The following SPOCK3 variants were observed in gnomAD, a reference collection of about 807,000 sequenced individuals.
The protein encoded by SPOCK3 is SPARC (osteonectin), cwcv and kazal like domains proteoglycan 3, also known as testican-3.
Under a neutral mutation model 56.6 loss-of-function variants are expected in SPOCK3, and 30 were observed. That is an observed-to-expected ratio of 0.53 (90% CI 0.40 to 0.72). The LOEUF is 0.72. Among genes scored for constraint, SPOCK3 ranks in the 30% least tolerant of loss-of-function variants. The probability of loss-of-function intolerance (pLI) is 0.00; values close to 1 mark genes in which losing one functional copy is unlikely to be tolerated. For synonymous variants in SPOCK3, 196 were observed against 183.3 expected (o/e 1.07, Z -0.56); for missense variants, 527 against 530.0 (o/e 0.99, Z 0.06).
chr4:166,773,799 T>A (rs910378532), intron 7 of SPOCK3, among the ~76,000 whole-genome samples: 2 of 152,204 alleles, frequency 1.3e-5, no homozygotes, highest in African/African-American at 4.8e-5. Flanking sequence ...TATATAAGCA[T>A]AGGCACACAT....
intron 6 of SPOCK3, among the ~76,000 whole-genome samples, chr4:166,801,771 C>T (rs959704327): frequency 6.6e-6 from 1 of 151,962 alleles, no homozygotes; most frequent in Non-Finnish European, 1.5e-5. Flanking sequence ...AGGTATGTAG[C>T]AATTGAAACA....
intron 4 of SPOCK3, among the ~76,000 whole-genome samples, chr4:166,944,477 T>C (rs1473139012): frequency 6.6e-6 from 1 of 152,212 alleles, no homozygotes; most frequent in Non-Finnish European, 1.5e-5. Flanking sequence ...TTTTTGTATA[T>C]AGTTGACACT....
chr4:167,202,084 A>G (rs1341499069), intron 2 of SPOCK3, among the ~76,000 whole-genome samples: 1 of 151,970 alleles, frequency 6.6e-6, no homozygotes, highest in East Asian at 1.9e-4. Context: ...CAGTATAGAA[A>G]ATGTTGTTTT....
intron 4 of SPOCK3, among the ~76,000 whole-genome samples, chr4:166,984,440 A>T (rs1018100750): frequency 2.6e-5 from 4 of 152,246 alleles, no homozygotes; most frequent in African/African-American, 9.6e-5. Context: ...TCAGCTTTTG[A>T]ATTAGTCAAA....
intron 2 of SPOCK3, among the ~76,000 whole-genome samples, chr4:167,123,590 T>G (rs927173090): frequency 2.6e-5 from 4 of 152,114 alleles, no homozygotes; most frequent in African/African-American, 9.7e-5. Context: ...TAGGTTTGAC[T>G]GTATACTGTT....
rs551488587 is a variant in SPOCK3 at position 167,232,920 on chromosome 4, A to G, written c.189+1065T>C. 5.9e-5 allele frequency among the ~76,000 whole-genome samples: 9 copies of G among 152,336 alleles called. No homozygotes were observed. The East Asian group carries it at 1.7e-3, about 29-fold the overall frequency. On this transcript the variant is annotated intron_variant, in intron 2 of 10. Coordinates refer to ENST00000357545, the MANE Select transcript of SPOCK3 (RefSeq NM_001040159.2). ...CTTTTATTTTCCTAAATGGTGACTGAGTCGGAGCTGATGAAAGAAGTTAAC... is the reference window on the plus strand; with the variant it reads ...CTTTTATTTTCCTAAATGGTGACTGGGTCGGAGCTGATGAAAGAAGTTAAC...
rs188738223 is a variant in SPOCK3 at position 167,197,628 on chromosome 4, C to T, written c.189+36357G>A. The stretch of plus-strand genomic sequence containing the variant: ...TCAACCAGAAAAAAAAAAAATCCCA[C>T]AAAAGTGGGAATAAACTTGTGAAAT... On this transcript the variant is annotated intron_variant, in intron 2 of 10. Transcript: ENST00000357545. 4.2e-4 allele frequency among the ~76,000 whole-genome samples: 63 copies of T among 151,236 alleles called. 1 individual carries two copies. Among genetic ancestry groups the T allele is most frequent in the African/African-American group, 1.4e-3 (57 of 41,230 alleles).
At chr4:166,941,106 A>C (rs1455978090) in intron 4 of SPOCK3, among the ~76,000 whole-genome samples, 1 of 152,140 alleles carries the variant, frequency 6.6e-6, no homozygotes, top group Non-Finnish European at 1.5e-5. Context: ...AGCCATCAGC[A>C]CAGTCACGTT....
At chr4:167,098,693 C>A (rs1221174924) in intron 2 of SPOCK3, among the ~76,000 whole-genome samples, 1 of 151,854 alleles carries the variant, frequency 6.6e-6, no homozygotes, top group Admixed American at 6.6e-5. Flanking sequence ...CTCTGATTCT[C>A]CCACTCAGCT....
At chr4:166,913,435 A>C (rs1737491443) in intron 4 of SPOCK3, among the ~76,000 whole-genome samples, 1 of 152,184 alleles carries the variant, frequency 6.6e-6, no homozygotes, top group African/African-American at 2.4e-5. Flanking sequence ...ACACAGAGTC[A>C]GGAAAATGGC....
intron 5 of SPOCK3, among the ~76,000 whole-genome samples, chr4:166,910,573 A>G (rs1200221671): frequency 1.3e-5 from 2 of 152,138 alleles, no homozygotes; most frequent in African/African-American, 4.8e-5. Flanking sequence ...TAACTCTAAC[A>G]TCATCAATCA....
chr4:167,158,315 T>G (rs1182843400), intron 2 of SPOCK3, among the ~76,000 whole-genome samples: 1 of 151,950 alleles, frequency 6.6e-6, no homozygotes, highest in Non-Finnish European at 1.5e-5. Context: ...TGGTCTCTGC[T>G]GCGGTTTTAA....
chr4:166,849,011 A>C (rs1399727579), intron 6 of SPOCK3, among the ~76,000 whole-genome samples: 1 of 151,850 alleles, frequency 6.6e-6, no homozygotes, highest in Non-Finnish European at 1.5e-5. Flanking sequence ...TAAGTAAAGA[A>C]GCCAACATTT....
chr4:167,081,053 A>G (rs1214104350), intron 2 of SPOCK3, among the ~76,000 whole-genome samples: 2 of 151,518 alleles, frequency 1.3e-5, no homozygotes, highest in African/African-American at 2.4e-5. Context: ...ATGATATCCT[A>G]TATTCTTCAA....
chr4:167,057,006 G>A (rs1198090307), intron 3 of SPOCK3, among the ~76,000 whole-genome samples: 10 of 152,140 alleles, frequency 6.6e-5, no homozygotes, highest in Non-Finnish European at 1.0e-4. Flanking sequence ...AAGTTGAAAT[G>A]AAGGAAAAAA....
At chr4:166,772,678 A>T (rs181200743) in intron 7 of SPOCK3, among the ~76,000 whole-genome samples, 1 of 152,332 alleles carries the variant, frequency 6.6e-6, no homozygotes, top group Non-Finnish European at 1.5e-5. Flanking sequence ...CTTGAAATGA[A>T]CTTTTAAATA....
At chr4:167,072,131 G>T (rs1307615018) in intron 2 of SPOCK3, among the ~76,000 whole-genome samples, 3 of 151,986 alleles carry the variant, frequency 2.0e-5, no homozygotes. Flanking sequence ...TGTACAGATG[G>T]GAAAGTGAAG....
chr4:167,173,901 A>G (rs1475125530), intron 2 of SPOCK3, among the ~76,000 whole-genome samples: 1 of 152,162 alleles, frequency 6.6e-6, no homozygotes, highest in African/African-American at 2.4e-5. Context: ...GGTTTCAGGA[A>G]ATGCTTCATT....
chr4:167,130,345 T>A (rs1762604655), intron 2 of SPOCK3, among the ~76,000 whole-genome samples: 1 of 152,126 alleles, frequency 6.6e-6, no homozygotes. Context: ...GACATAAAAA[T>A]TTGGAGTTTT....
Sources: gnomAD v4.1 joint callset for allele counts (sites outside exome capture counted in the v4.1 genomes callset) on GRCh38, gnomAD v4.1.1 for gene constraint, MANE v1.5 for transcripts, NCBI Gene and HGNC (gene_info 2026-07-23, HGNC 2026-07-21) for gene names.